GRM7: variants seen among roughly 807,000 people sequenced by gnomAD.
GRM7 encodes glutamate metabotropic receptor 7.
Under a neutral mutation model 84.5 loss-of-function variants are expected in GRM7, and 35 were observed. The observed-to-expected ratio is 0.41, with a 90% CI of 0.32 to 0.55. The LOEUF (loss-of-function observed/expected upper bound fraction) is 0.55, where lower values mean the gene tolerates loss of function less well. Ranked by LOEUF, GRM7 falls within the 20% of genes least tolerant of loss-of-function variation. The pLI, the probability that GRM7 is intolerant of heterozygous loss-of-function variation, is 0.19. For missense variants in GRM7, 1,003 were observed against 1,194.6 expected, an observed-to-expected ratio of 0.84 and a Z score of 2.36; for synonymous variants, 487 against 455.1, an observed-to-expected ratio of 1.07 and a Z score of -0.89.
chr3:7,127,245 C>T (rs1052223047), intron 1 of GRM7, among the ~76,000 whole-genome samples: 2 of 152,208 alleles, frequency 1.3e-5, no homozygotes, highest in Non-Finnish European at 2.9e-5. Context: ...TTTCTCTCCC[C>T]TAAACACCTA....
intron 1 of GRM7, among the ~76,000 whole-genome samples, chr3:6,957,986 AC>A (rs1474940216): frequency 6.6e-6 from 1 of 152,194 alleles, no homozygotes; most frequent in African/African-American, 2.4e-5. Flanking sequence ...TCAGGGGAAC[AC>A]AGAAGGATGT....
At chr3:6,939,953 G>T (rs889962512) in intron 1 of GRM7, among the ~76,000 whole-genome samples, 4 of 152,012 alleles carry the variant, frequency 2.6e-5, no homozygotes, top group Admixed American at 6.6e-5. Flanking sequence ...ACCAGAGGGG[G>T]TTTAAATGAA....
intron 2 of GRM7, among the ~76,000 whole-genome samples, chr3:7,288,068 G>A (rs1230605862): frequency 6.6e-6 from 1 of 152,064 alleles, no homozygotes; most frequent in African/African-American, 2.4e-5. Context: ...GTTAAATTCT[G>A]TGTATTTAAA....
intron 1 of GRM7, among the ~76,000 whole-genome samples, chr3:7,115,357 A>C (rs748820636): frequency 2.6e-5 from 4 of 152,150 alleles, no homozygotes; most frequent in Non-Finnish European, 5.9e-5. Flanking sequence ...AGGAAGATGC[A>C]AAATAACATA....
intron 1 of GRM7, among the ~76,000 whole-genome samples, chr3:7,085,200 A>G (rs1384923802): frequency 2.0e-5 from 3 of 152,176 alleles, no homozygotes; most frequent in African/African-American, 7.2e-5. Flanking sequence ...GCACCTATTA[A>G]TTTAATTTTG....
intron 8 of GRM7, among the ~76,000 whole-genome samples, chr3:7,580,966 A>G (rs946912967): frequency 6.6e-6 from 1 of 152,128 alleles, no homozygotes; most frequent in African/African-American, 2.4e-5. Flanking sequence ...GAGTATCTTA[A>G]AAGCCTATGG....
At chr3:7,121,499 C>G (rs578093637) in intron 1 of GRM7, among the ~76,000 whole-genome samples, 73 of 152,268 alleles carry the variant, frequency 4.8e-4, no homozygotes, top group African/African-American at 1.7e-3. Context: ...TCATTGAAAC[C>G]TATGCCCCAT....
chr3:7,338,502 A>G (rs1701512507), intron 4 of GRM7, among the ~76,000 whole-genome samples: 2 of 152,080 alleles, frequency 1.3e-5, no homozygotes, highest in Non-Finnish European at 2.9e-5. Flanking sequence ...AAATAAAAAT[A>G]AAATAAAAAT....
intron 1 of GRM7, among the ~76,000 whole-genome samples, chr3:7,089,936 G>A (rs1574887492): frequency 6.6e-6 from 1 of 151,976 alleles, no homozygotes; most frequent in Admixed American, 6.6e-5. Flanking sequence ...TCTACTCCCC[G>A]GGTTCAAGTG....
At chr3:7,392,396 T>C (rs1559289541) in intron 4 of GRM7, among the ~76,000 whole-genome samples, 1 of 152,214 alleles carries the variant, frequency 6.6e-6, no homozygotes, top group African/African-American at 2.4e-5. Flanking sequence ...GTTTTGGCTA[T>C]GGAGGCCCTT....
intron 8 of GRM7, among the ~76,000 whole-genome samples, chr3:7,609,140 A>T (rs1336970441): frequency 1.3e-5 from 2 of 152,110 alleles, no homozygotes; most frequent in Non-Finnish European, 2.9e-5. Context: ...TTAACTTTCT[A>T]CTGCTGCATG....
At chr3:7,297,073 T>C (rs1699840627) in intron 2 of GRM7, among the ~76,000 whole-genome samples, 1 of 152,152 alleles carries the variant, frequency 6.6e-6, no homozygotes, top group Non-Finnish European at 1.5e-5. Context: ...AATTTTCTCT[T>C]AAAGTGAATG....
intron 2 of GRM7, among the ~76,000 whole-genome samples, chr3:7,221,994 A>C (rs1055336436): frequency 6.6e-6 from 1 of 151,682 alleles, no homozygotes; most frequent in Non-Finnish European, 1.5e-5. Context: ...TTTTTAGTAG[A>C]GACGGGGTTT....
At chr3:7,718,974 C>G (rs1049575382) in intron 9 of GRM7, among the ~76,000 whole-genome samples, 9 of 152,126 alleles carry the variant, frequency 5.9e-5, no homozygotes, top group Non-Finnish European at 1.0e-4. Flanking sequence ...GCACTAGAAC[C>G]TGGTATGATT....
chr3:7,190,919 A>C (rs7634808), intron 2 of GRM7, among the ~76,000 whole-genome samples: 1 of 151,640 alleles, frequency 6.6e-6, no homozygotes, highest in African/African-American at 2.4e-5. Context: ...CATTTCCCAC[A>C]GTACTACTAA....
intron 1 of GRM7, among the ~76,000 whole-genome samples, chr3:6,933,135 C>G (rs1453088247): frequency 6.6e-6 from 1 of 152,152 alleles, no homozygotes; most frequent in Non-Finnish European, 1.5e-5. Context: ...CCTTAAATCA[C>G]ATTTAAAATA....
chr3:6,953,034 G>T (rs1692855588), intron 1 of GRM7, among the ~76,000 whole-genome samples: 1 of 152,288 alleles, frequency 6.6e-6, no homozygotes, highest in Non-Finnish European at 1.5e-5. Flanking sequence ...AATATGAGCT[G>T]GTGTAACAAC....
chr3:7,472,876 G>A (rs1698759492), intron 7 of GRM7, among the ~76,000 whole-genome samples: 1 of 152,094 alleles, frequency 6.6e-6, no homozygotes, highest in South Asian at 2.1e-4. Context: ...TTAGTCCCCA[G>A]ATTCCTCAAT....
intron 7 of GRM7, among the ~76,000 whole-genome samples, chr3:7,511,976 C>T (rs1198615283): frequency 6.6e-6 from 1 of 151,788 alleles, no homozygotes; most frequent in Non-Finnish European, 1.5e-5. Context: ...ACACTGTCTC[C>T]ACAAAAATAA....
Sources: allele counts gnomAD v4.1 joint callset (sites outside exome capture counted in the v4.1 genomes callset), GRCh38; gene constraint gnomAD v4.1.1; transcripts MANE v1.5; gene names NCBI Gene and HGNC (gene_info 2026-07-23, HGNC 2026-07-21).